KMO: variants seen among roughly 807,000 people sequenced by gnomAD.
The protein encoded by KMO is kynurenine 3-hydroxylase.
A neutral mutation model predicts 57.8 loss-of-function variants in KMO; 24 were observed. That is an observed-to-expected ratio of 0.42 (90% CI 0.30 to 0.58). The LOEUF (loss-of-function observed/expected upper bound fraction) is 0.58, where lower values mean the gene tolerates loss of function less well. KMO is among the 20% of genes least tolerant of loss of function. KMO has a pLI of 0.22. For missense variants in KMO, 483 were observed against 588.2 expected (o/e 0.82, Z 1.85); for synonymous variants, 210 against 193.6 (o/e 1.08, Z -0.70).
intron 1 of KMO, among the ~76,000 whole-genome samples, chr1:241,534,244 G>A (rs1660677875): frequency 1.3e-5 from 2 of 152,208 alleles, no homozygotes; most frequent in East Asian, 1.9e-4. Context: ...TGTTACGTTA[G>A]CTCAAGACTT....
intron 2 of KMO, among the ~76,000 whole-genome samples, chr1:241,549,426 G>T (rs1661311526): frequency 6.6e-6 from 1 of 152,050 alleles, no homozygotes; most frequent in South Asian, 2.1e-4. Flanking sequence ...CTTTTCTTTA[G>T]ATTTTCTGAA....
At chr1:241,561,972 TC>T (rs1264702588) in intron 6 of KMO, 194 bp from the exon 7 acceptor site, 3 of 575,712 alleles carry the variant, frequency 5.2e-6, no homozygotes, top group Non-Finnish European at 9.3e-6. Context: ...TGTGCTATTC[TC>T]ATAAGCAAAC....
At position 241,592,390 on chromosome 1, in the gene KMO, T is replaced by C. The variant is rs1663340855; in HGVS notation, c.*237T>C. On this transcript the variant is annotated 3_prime_UTR_variant, in exon 15 of 15. Coordinates refer to ENST00000366559, the MANE Select transcript of KMO (RefSeq NM_003679.5). The stretch of plus-strand genomic sequence containing the variant: ...CACACTCAGGTTGAGTCATTCTAAC[T>C]ATAAAAGTGCAATGACTAAGATCCT... 9.7e-6 allele frequency: 5 copies of C among 514,036 alleles called. No individual in the cohort carries two copies. The highest frequency in any genetic ancestry group is 6.7e-5 in the Admixed American group (2 of 29,832). The allele number at this position is 514,036 out of a possible 1,614,324, so 31.8% of individuals were successfully genotyped here. A position where few individuals can be genotyped will look rare whatever the true frequency, so the allele number is the denominator to read the frequency against.
rs1558415607 is a variant in KMO at position 241,550,110 on chromosome 1, A to G, written c.222+336A>G. 2.1e-5 allele frequency: 4 copies of G among 188,636 alleles called. No individual in the cohort carries two copies. In the Admixed American group the frequency reaches 2.4e-4, roughly 11 times the overall value. The allele number at this position is 188,636 out of a possible 1,614,324, so 11.7% of individuals were successfully genotyped here. On this transcript the variant is annotated intron_variant, in intron 3 of 14. Transcript: ENST00000366559. ...TTTTTCAATTGCACAGGCCCGTAAT[A>G]TCTTATCTACAATTCTATACTCCAA...
At position 241,562,177 on chromosome 1, in the gene KMO, G is replaced by C. The variant is rs1363031673; in HGVS notation, c.460G>C (p.Val154Leu). ...GMITVLGSDK[V>L]PKDVTCDLIV... ...TGTTCTATTTTTCAGATCTGACAAA[G>C]TTCCCAAAGATGTCACTTGTGACCT... is the stretch of plus-strand genomic sequence containing the variant. The change falls in exon 7 of 15, where the codon GTT (valine) becomes CTT (leucine). Residue 154 changes from valine (V) to leucine (L), a missense_variant. Coordinates refer to ENST00000366559, the MANE Select transcript of KMO (RefSeq NM_003679.5). 6.2e-7 allele frequency: 1 copy of C among 1,613,738 alleles called. No individual in the cohort carries two copies. Among genetic ancestry groups the C allele is most frequent in the African/African-American group, 1.3e-5 (1 of 74,918 alleles).
chr1:241,560,768 G>A lies in KMO; in HGVS notation c.449+16G>A. The A allele has an allele frequency of 6.4e-7, 1 of 1,574,476 alleles. No individual in the cohort carries two copies. Among genetic ancestry groups the A allele is most frequent in the Non-Finnish European group, 8.7e-7 (1 of 1,143,916 alleles). On this transcript the variant is annotated intron_variant, in intron 6 of 14. Coordinates refer to ENST00000366559, the MANE Select transcript of KMO (RefSeq NM_003679.5). ...CAGTGCTTGGGTAACTACGGGTCAG[G>A]TTTTGGACTTCAGAGGTGAAAGCTG...
At chr1:241,591,812 C>CTGGT in intron 14 of KMO, 141 bp from the exon 15 acceptor site, 1 of 671,614 alleles carries the variant, frequency 1.5e-6, no homozygotes, top group Non-Finnish European at 2.6e-6. Context: ...AGTTCCTGAT[C>CTGGT]TGGTGGTCAT....
intron 6 of KMO, among the ~76,000 whole-genome samples, chr1:241,561,207 C>T (rs1661822598): frequency 6.6e-6 from 1 of 152,158 alleles, no homozygotes; most frequent in African/African-American, 2.4e-5. Context: ...TGAACATTTC[C>T]AGTCCAAGCC....
chr1:241,587,606 G>C lies in KMO; in HGVS notation c.1015+870G>C, dbSNP rs563096820. On this transcript the variant is annotated intron_variant, in intron 11 of 14. Transcript: ENST00000366559. ...TTACAGGCATACACCACCACACCCA[G>C]CTAATTTTTGTATTTTTAGTAGAGA... Among the ~76,000 whole-genome samples, 530 of 152,116 alleles carry C rather than the reference G, an allele frequency of 3.5e-3. 1 individual carries two copies. Among genetic ancestry groups the C allele is most frequent in the African/African-American group, 0.012 (514 of 41,496 alleles).
chr1:241,540,521 A>G (rs770618872), intron 1 of KMO, among the ~76,000 whole-genome samples: 13 of 152,296 alleles, frequency 8.5e-5, no homozygotes, highest in Non-Finnish European at 1.5e-4. Flanking sequence ...ATTCAAAGGC[A>G]TGGAAGAATA....
rs146035042 is a variant in KMO, at chr1:241,573,270, A to T, written c.957+4623A>T. Among the ~76,000 whole-genome samples the T allele has an allele frequency of 9.2e-5, 14 of 152,206 alleles. No individual in the cohort carries two copies. The East Asian group carries it at 2.7e-3, about 29-fold the overall frequency. On this transcript the variant is annotated intron_variant, in intron 10 of 14. Transcript: ENST00000366559. Reference sequence around the variant, plus strand: ...CCAAAGTCCTAGGATTACAGGCCTGAGCTACTGCGCCCAACCCATTTATTT... The same window carrying T: ...CCAAAGTCCTAGGATTACAGGCCTGTGCTACTGCGCCCAACCCATTTATTT...
chr1:241,582,662 C>T (rs527525886), intron 10 of KMO, among the ~76,000 whole-genome samples: 1 of 152,230 alleles, frequency 6.6e-6, no homozygotes, highest in East Asian at 1.9e-4. Flanking sequence ...ATTCTGAATT[C>T]CTTCTCTGTA....
chr1:241,537,276 A>AG, intron 1 of KMO, among the ~76,000 whole-genome samples: 1 of 152,218 alleles, frequency 6.6e-6, no homozygotes, highest in East Asian at 1.9e-4. Flanking sequence ...TTCTAAAAAA[A>AG]GAAATCAAAT....
At chr1:241,549,886 T>C (rs1661333960) in intron 3 of KMO, 112 bp downstream of exon 3, 3 of 723,046 alleles carry the variant, frequency 4.1e-6, no homozygotes, top group Admixed American at 5.4e-5. Flanking sequence ...AATCTCTGCA[T>C]GAAAACTCAT....
intron 9 of KMO, 21 bp from the exon 10 acceptor site, chr1:241,568,475 ATATT>A: frequency 1.2e-6 from 2 of 1,610,060 alleles, no homozygotes; most frequent in Non-Finnish European, 1.7e-6. Context: ...TGATGTCTTT[ATATT>A]CGGATTATTT....
chr1:241,554,086 G>A (rs1661511066), intron 4 of KMO, among the ~76,000 whole-genome samples: 1 of 152,102 alleles, frequency 6.6e-6, no homozygotes, highest in African/African-American at 2.4e-5. Context: ...GGCCCCAGGT[G>A]GGCACTTTGG....
chr1:241,594,503 A>G lies in KMO; in HGVS notation c.*2350A>G, dbSNP rs376260370. 6.2e-6 allele frequency: 10 copies of G among 1,614,024 alleles called. No homozygotes were observed. The African/African-American group carries it at 9.3e-5, about 15-fold the overall frequency. On this transcript the variant is annotated 3_prime_UTR_variant, in exon 15 of 15. Transcript: ENST00000366559. ...CGCTGTCGTCAACTGACAGTGATTC[A>G]TCACTGGTGATGATAAAAATGATGG...
chr1:241,537,458 C>A (rs1479290123), intron 1 of KMO, among the ~76,000 whole-genome samples: 1 of 152,056 alleles, frequency 6.6e-6, no homozygotes, highest in African/African-American at 2.4e-5. Context: ...TTACTGTTAA[C>A]CTTTATTGTT....
At chr1:241,536,428 A>G in intron 1 of KMO, 1 of 778,784 alleles carries the variant, frequency 1.3e-6, no homozygotes, top group African/African-American at 1.9e-5. Context: ...AGTCCTTAAG[A>G]CTCAGAAAAT....
Sources: allele counts gnomAD v4.1 joint callset (sites outside exome capture counted in the v4.1 genomes callset), GRCh38; gene constraint gnomAD v4.1.1; transcripts MANE v1.5; gene names NCBI Gene and HGNC (gene_info 2026-07-23, HGNC 2026-07-21).